MYO1D: variants seen among roughly 807,000 people sequenced by gnomAD.
MYO1D encodes myosin ID.
MYO1D carries 83 observed loss-of-function variants against 122.0 expected under a neutral mutation model. That is an observed-to-expected ratio of 0.68 (90% CI 0.57 to 0.82). MYO1D has a LOEUF of 0.82. Among genes scored for constraint, MYO1D ranks in the 40% least tolerant of loss-of-function variants. MYO1D has a pLI of 0.00. For synonymous variants in MYO1D, 464 were observed against 446.9 expected, an observed-to-expected ratio of 1.04 and a Z score of -0.48; for missense variants, 1,157 against 1,269.5, an observed-to-expected ratio of 0.91 and a Z score of 1.35.
intron 1 of MYO1D, among the ~76,000 whole-genome samples, chr17:32,847,501 C>A (rs867657079): frequency 6.6e-6 from 1 of 152,070 alleles, no homozygotes; most frequent in Non-Finnish European, 1.5e-5. Context: ...CAAAAATGTC[C>A]CAATGGGATA....
chr17:32,705,904 ATC>A (rs2089301898), intron 16 of MYO1D, among the ~76,000 whole-genome samples: 1 of 152,172 alleles, frequency 6.6e-6, no homozygotes, highest in South Asian at 2.1e-4. Flanking sequence ...CTTGGCTCTC[ATC>A]TCTCTCTTTG....
chr17:32,813,285 C>A (rs1033144383), intron 1 of MYO1D, among the ~76,000 whole-genome samples: 11 of 152,330 alleles, frequency 7.2e-5, no homozygotes, highest in Admixed American at 5.9e-4. Flanking sequence ...TAACTATGGT[C>A]TGTGTTCCTC....
intron 20 of MYO1D, chr17:32,627,592 C>T (rs2087945569): frequency 6.6e-6 from 1 of 152,120 alleles, no homozygotes; most frequent in African/African-American, 2.4e-5. Flanking sequence ...AGATAATTGT[C>T]TCTTTTCTCT....
intron 21 of MYO1D, among the ~76,000 whole-genome samples, chr17:32,506,230 T>C (rs905600469): frequency 6.6e-6 from 1 of 152,166 alleles, no homozygotes; most frequent in Admixed American, 6.5e-5. Flanking sequence ...CAGGTCACCA[T>C]ATAAGCAAAC....
intron 21 of MYO1D, among the ~76,000 whole-genome samples, chr17:32,567,638 G>A (rs545194364): frequency 4.4e-4 from 67 of 152,314 alleles, no homozygotes; most frequent in Middle Eastern, 3.4e-3. Flanking sequence ...AACATGCTAA[G>A]AACTTGGGCT....
chr17:32,869,869 G>C lies in MYO1D; in HGVS notation c.95+6909C>G, dbSNP rs532828136. Among the ~76,000 whole-genome samples, 14 of 152,216 alleles carry C rather than the reference G, an allele frequency of 9.2e-5. No homozygotes were observed. In the South Asian group the frequency reaches 2.9e-3, roughly 32 times the overall value. ...GGTTGCTTGAGCTGGGGAAGTCAAG[G>C]CTGCAGTGAATCATGATTGTGCCAT... On this transcript the variant is annotated intron_variant, in intron 1 of 21. Coordinates refer to ENST00000318217, the MANE Select transcript of MYO1D (RefSeq NM_015194.3).
At chr17:32,572,182 C>CTTTTTTTTTTTTTTTTTTTTTTTTTTTTT (rs1461069063) in intron 21 of MYO1D, among the ~76,000 whole-genome samples, 1 of 151,938 alleles carries the variant, frequency 6.6e-6, no homozygotes, top group African/African-American at 2.4e-5. Context: ...TTCCCATTTT[C>CTTTTTTTTTTTTTTTTTTTTTTTTTTTTT]TAAGGTGCTG....
chr17:32,656,953 C>G (rs2088485177), intron 17 of MYO1D, among the ~76,000 whole-genome samples: 1 of 152,172 alleles, frequency 6.6e-6, no homozygotes, highest in Non-Finnish European at 1.5e-5. Flanking sequence ...CAAGGTCTGT[C>G]CCTGACTGAC....
chr17:32,760,075 C>G (rs2089983568), intron 10 of MYO1D: 1 of 704,536 alleles, frequency 1.4e-6, no homozygotes, highest in Admixed American at 2.0e-5. Flanking sequence ...GGTTCTAACT[C>G]AGGATGTTCT....
At chr17:32,660,128 A>G (rs921237529) in intron 16 of MYO1D, among the ~76,000 whole-genome samples, 4 of 152,100 alleles carry the variant, frequency 2.6e-5, no homozygotes, top group African/African-American at 7.2e-5. Flanking sequence ...TCCTTCTTCC[A>G]CAATATGGAA....
At chr17:32,863,876 G>C (rs1348926271) in intron 1 of MYO1D, among the ~76,000 whole-genome samples, 1 of 152,036 alleles carries the variant, frequency 6.6e-6, no homozygotes, top group East Asian at 1.9e-4. Context: ...AACTGAAGTA[G>C]ATTTTTTAAG....
chr17:32,527,585 G>A (rs1388511947), intron 21 of MYO1D, among the ~76,000 whole-genome samples: 1 of 152,104 alleles, frequency 6.6e-6, no homozygotes, highest in African/African-American at 2.4e-5. Flanking sequence ...TTGAGCCCAG[G>A]AGTTTCAGAC....
At chr17:32,864,007 C>CTTTTCTTTTTTTTTTTTTTTTTTTTTTTT (rs2091100932) in intron 1 of MYO1D, among the ~76,000 whole-genome samples, 2 of 48,960 alleles carry the variant, frequency 4.1e-5, no homozygotes, top group African/African-American at 2.1e-4. Context: ...ACATTTCTTC[C>CTTTTCTTTTTTTTTTTTTTTTTTTTTTTT]TTTTTTTTTT....
At chr17:32,791,515 TAAG>T (rs1213510122) in intron 1 of MYO1D, among the ~76,000 whole-genome samples, 1 of 152,134 alleles carries the variant, frequency 6.6e-6, no homozygotes, top group African/African-American at 2.4e-5. Context: ...TCCTTGTTCT[TAAG>T]AAACACACCC....
chr17:32,502,005 C>G (rs1049140788), intron 21 of MYO1D, among the ~76,000 whole-genome samples: 1 of 152,058 alleles, frequency 6.6e-6, no homozygotes, highest in Non-Finnish European at 1.5e-5. Flanking sequence ...GGAATTGAAT[C>G]GGAGGACACC....
At chr17:32,818,256 G>C (rs1234905869) in intron 1 of MYO1D, among the ~76,000 whole-genome samples, 3 of 151,702 alleles carry the variant, frequency 2.0e-5, no homozygotes, top group Non-Finnish European at 2.9e-5. Context: ...CAAATAGTCT[G>C]TAAACAAGTC....
chr17:32,849,396 CAA>C (rs1421477178), intron 1 of MYO1D, among the ~76,000 whole-genome samples: 1 of 147,792 alleles, frequency 6.8e-6, no homozygotes, highest in African/African-American at 2.6e-5. Context: ...TTCACAATAG[CAA>C]AGACTTGGAA....
intron 1 of MYO1D, 85 bp from the exon 2 acceptor site, chr17:32,780,869 G>A: frequency 7.6e-7 from 1 of 1,314,464 alleles, no homozygotes; most frequent in East Asian, 2.4e-5. Context: ...TATTTCCAAG[G>A]AAGTCCAAAT....
chr17:32,764,390 A>G (rs549679079), intron 8 of MYO1D, among the ~76,000 whole-genome samples: 1 of 152,260 alleles, frequency 6.6e-6, no homozygotes, highest in South Asian at 2.1e-4. Context: ...TACTAATAAT[A>G]TTGTTTCAAA....
Sources: allele counts gnomAD v4.1 joint callset (sites outside exome capture counted in the v4.1 genomes callset), GRCh38; gene constraint gnomAD v4.1.1; transcripts MANE v1.5; gene names NCBI Gene and HGNC (gene_info 2026-07-23, HGNC 2026-07-21).